Variants in PRKG1 observed in about 807,000 individuals in gnomAD.
PRKG1 encodes cGMP-dependent protein kinase 1.
In PRKG1, 35 loss-of-function variants were observed where a neutral mutation model predicts 88.1. That is an observed-to-expected ratio of 0.40 (90% CI 0.30 to 0.53). The LOEUF is 0.53. Ranked by LOEUF, PRKG1 falls within the 20% of genes least tolerant of loss-of-function variation. The pLI, the probability that PRKG1 is intolerant of heterozygous loss-of-function variation, is 0.59. For missense variants in PRKG1, 540 were observed against 839.8 expected (o/e 0.64, Z 4.41); for synonymous variants, 303 against 292.5 (o/e 1.04, Z -0.37).
chr10:51,170,575 G>A (rs977663699), intron 2 of PRKG1, among the ~76,000 whole-genome samples: 1 of 151,872 alleles, frequency 6.6e-6, no homozygotes, highest in Admixed American at 6.6e-5. Context: ...CTCAGGGAAG[G>A]CCTCTGTAAG....
chr10:52,004,502 G>T (rs756772304), intron 5 of PRKG1, among the ~76,000 whole-genome samples: 3 of 152,236 alleles, frequency 2.0e-5, no homozygotes, highest in Non-Finnish European at 4.4e-5. Flanking sequence ...AGCCCATCTA[G>T]ACAAAAGATC....
rs1435861806 is a variant in PRKG1 at position 52,257,548 on chromosome 10, C to T, written c.1173+5882C>T. Among the ~76,000 whole-genome samples the T allele has an allele frequency of 6.5e-5, 9 of 139,528 alleles. 1 individual carries two copies. Among genetic ancestry groups the T allele is most frequent in the African/African-American group, 2.2e-4 (9 of 40,320 alleles). The allele number at this position is 139,528 out of a possible 152,430, so 91.5% of individuals were successfully genotyped here. On this transcript the variant is annotated intron_variant, in intron 10 of 17. Transcript: ENST00000373980. ...TTTGGGCAGTATTGCCATGTGTACC[C>T]ACGGTGATTTATGCTACATCGGACA...
At chr10:51,900,536 A>G (rs1284263510) in intron 4 of PRKG1, among the ~76,000 whole-genome samples, 3 of 152,208 alleles carry the variant, frequency 2.0e-5, no homozygotes, top group Non-Finnish European at 1.5e-5. Context: ...TTCCAACATA[A>G]AAAAATCATA....
At chr10:51,395,575 G>A (rs1837555235) in intron 2 of PRKG1, among the ~76,000 whole-genome samples, 1 of 152,136 alleles carries the variant, frequency 6.6e-6, no homozygotes, top group South Asian at 2.1e-4. Context: ...ATGGGCAGGA[G>A]GAGAGTAACT....
At position 50,991,540 on chromosome 10, in the gene PRKG1, C is replaced by T; in HGVS notation, c.162C>T (p.Ile54=). 1.2e-6 allele frequency: 2 copies of T among 1,610,132 alleles called. No homozygotes were observed. Among genetic ancestry groups the T allele is most frequent in the Non-Finnish European group, 8.5e-7 (1 of 1,178,596 alleles). ...TGCTCCCAGTGCCCTCGACCCACAT[C>T]GGCCCCCGGACCACCCGGGCGCAGG... Residue 54 remains isoleucine, a synonymous_variant, in exon 1 of 18, where the codon ATC becomes ATT. Transcript: ENST00000401604. This position sits in a 1 kb window ranked among gnomAD's most constrained non-coding sequence, Gnocchi z 4.5.
intron 3 of PRKG1, among the ~76,000 whole-genome samples, chr10:51,596,650 G>A (rs955592527): frequency 3.9e-5 from 6 of 152,128 alleles, no homozygotes; most frequent in Admixed American, 6.5e-5. Flanking sequence ...GTTGTCCAGC[G>A]TAGTATATTT....
At chr10:51,342,690 C>T (rs1005439578) in intron 2 of PRKG1, among the ~76,000 whole-genome samples, 3 of 152,032 alleles carry the variant, frequency 2.0e-5, no homozygotes, top group African/African-American at 7.2e-5. Context: ...TTAAATTATA[C>T]AATAGACTTA....
intron 2 of PRKG1, among the ~76,000 whole-genome samples, chr10:51,395,217 T>G (rs2132656485): frequency 6.6e-6 from 1 of 152,352 alleles, no homozygotes; most frequent in Non-Finnish European, 1.5e-5. Context: ...TCCCACTCTT[T>G]GCAAGTCTCT....
intron 3 of PRKG1, among the ~76,000 whole-genome samples, chr10:51,747,336 T>C (rs1028970530): frequency 4.6e-5 from 7 of 152,172 alleles, no homozygotes; most frequent in Admixed American, 3.9e-4. Context: ...CTCTGGGCAC[T>C]CTCAGGTTAG....
chr10:51,873,097 T>G (rs1841202068), intron 4 of PRKG1, among the ~76,000 whole-genome samples: 1 of 152,180 alleles, frequency 6.6e-6, no homozygotes, highest in Non-Finnish European at 1.5e-5. Context: ...TTATTTTAAT[T>G]CTTCAGTATT....
At chr10:51,850,040 G>C (rs1441141087) in intron 4 of PRKG1, among the ~76,000 whole-genome samples, 4 of 151,040 alleles carry the variant, frequency 2.6e-5, no homozygotes, top group Admixed American at 2.0e-4. Context: ...ATTTCAAATA[G>C]ATAAGGATTT....
chr10:51,186,467 A>T (rs970430701), intron 2 of PRKG1, among the ~76,000 whole-genome samples: 4 of 151,684 alleles, frequency 2.6e-5, no homozygotes, highest in Non-Finnish European at 4.4e-5. Flanking sequence ...CTTCTACCAG[A>T]TCACATTTCA....
At chr10:51,315,189 T>C (rs1841287973) in intron 2 of PRKG1, among the ~76,000 whole-genome samples, 1 of 152,182 alleles carries the variant, frequency 6.6e-6, no homozygotes, top group African/African-American at 2.4e-5. Context: ...TTTCTTGAGA[T>C]TTCATAACAT....
intron 2 of PRKG1, among the ~76,000 whole-genome samples, chr10:51,360,301 C>T (rs1842452065): frequency 1.3e-5 from 2 of 151,810 alleles, no homozygotes; most frequent in African/African-American, 4.8e-5. Flanking sequence ...GTGTTTATGA[C>T]CTTGTACAGG....
At position 52,240,762 on chromosome 10, in the gene PRKG1, T is replaced by C. The variant is rs536265346; in HGVS notation, c.1077-10808T>C. Among the ~76,000 whole-genome samples the C allele has an allele frequency of 2.0e-5, 3 of 152,308 alleles. No individual in the cohort carries two copies. The South Asian group carries it at 6.2e-4, about 32-fold the overall frequency. On this transcript the variant is annotated intron_variant, in intron 9 of 17. Coordinates refer to ENST00000373980, the MANE Select transcript of PRKG1 (RefSeq NM_006258.4). ...AGTAATTTCTATACTAAGAATGATA[T>C]ACGGGCTTTCTCCATTTCAAGAATG...
chr10:51,721,098 G>A (rs182837556), intron 3 of PRKG1, among the ~76,000 whole-genome samples: 66 of 151,536 alleles, frequency 4.4e-4, no homozygotes, highest in African/African-American at 1.4e-3. Context: ...CTGTAGTCCC[G>A]GCTAACTACA....
chr10:51,027,166 A>G, intron 1 of PRKG1, among the ~76,000 whole-genome samples: 1 of 152,214 alleles, frequency 6.6e-6, no homozygotes, highest in Middle Eastern at 3.2e-3. Context: ...TTGCAAACCT[A>G]TGAAGCCAGC....
intron 3 of PRKG1, among the ~76,000 whole-genome samples, chr10:51,676,343 G>A (rs769352039): frequency 6.6e-6 from 1 of 151,534 alleles, no homozygotes; most frequent in Non-Finnish European, 1.5e-5. Flanking sequence ...CTGCTGGAAA[G>A]CATTGGTTCA....
chr10:51,469,570 T>C (rs1002878511), intron 3 of PRKG1, among the ~76,000 whole-genome samples: 9 of 151,932 alleles, frequency 5.9e-5, no homozygotes, highest in African/African-American at 2.2e-4. Flanking sequence ...TCGTCTGCAC[T>C]AACATCTATT....
Sources: allele counts gnomAD v4.1 joint callset (sites outside exome capture counted in the v4.1 genomes callset), GRCh38; gene constraint gnomAD v4.1.1; non-coding constraint Gnocchi (gnomAD v3.1); transcripts MANE v1.5; gene names NCBI Gene and HGNC (gene_info 2026-07-23, HGNC 2026-07-21).